CDH18: variants seen among roughly 807,000 people sequenced by gnomAD.
CDH18 encodes cadherin-18.
CDH18 carries 31 observed loss-of-function variants against 67.9 expected under a neutral mutation model. That is an observed-to-expected ratio of 0.46 (90% CI 0.34 to 0.62). CDH18 has a LOEUF of 0.62. CDH18 is among the 20% of genes least tolerant of loss of function. The probability of loss-of-function intolerance (pLI) is 0.01; values close to 1 mark genes in which losing one functional copy is unlikely to be tolerated. For missense variants in CDH18, 890 were observed against 975.5 expected (o/e 0.91, Z 1.17); for synonymous variants, 362 against 347.2 (o/e 1.04, Z -0.48).
At chr5:19,610,861 C>T (rs1044702034) in intron 6 of CDH18, among the ~76,000 whole-genome samples, 3 of 152,004 alleles carry the variant, frequency 2.0e-5, no homozygotes, top group African/African-American at 7.2e-5. Context: ...TTTTATGGCT[C>T]AATAAAATAT....
intron 2 of CDH18, among the ~76,000 whole-genome samples, chr5:20,003,237 T>TC (rs1736591519): frequency 6.6e-6 from 1 of 152,298 alleles, no homozygotes; most frequent in African/African-American, 2.4e-5. Flanking sequence ...CACAAAGTTA[T>TC]TCAAATCTGC....
intron 2 of CDH18, among the ~76,000 whole-genome samples, chr5:19,931,288 G>T (rs1323466401): frequency 1.3e-5 from 2 of 151,862 alleles, no homozygotes; most frequent in Non-Finnish European, 2.9e-5. Flanking sequence ...TCAAAATAGT[G>T]TCAACTTAGT....
intron 2 of CDH18, among the ~76,000 whole-genome samples, chr5:20,124,106 C>A (rs1580297142): frequency 6.6e-6 from 1 of 151,928 alleles, no homozygotes; most frequent in Non-Finnish European, 1.5e-5. Context: ...TGGATAGAAA[C>A]CTCCAGAGAA....
rs557797933 is a variant in CDH18 at position 20,315,484 on chromosome 5, T to C, written c.-579-59979A>G. ...TTGATATCATGGAGTCCTGAAACTC[T>C]ATGCTAAATCCTATAGTGTAAAAGC... On this transcript the variant is annotated intron_variant, in intron 1 of 14. Coordinates refer to the CDH18 transcript ENST00000507958. 3.9e-5 allele frequency among the ~76,000 whole-genome samples: 6 copies of C among 152,236 alleles called. No individual in the cohort carries two copies. The South Asian group carries it at 1.2e-3, about 32-fold the overall frequency.
At chr5:19,990,594 A>G (rs1178482841), upstream of CDH18, among the ~76,000 whole-genome samples, 1 of 152,042 alleles carries the variant, frequency 6.6e-6, no homozygotes, top group Non-Finnish European at 1.5e-5. Context: ...ATGAAGCCAC[A>G]CTCTTGGAAT....
chr5:20,399,975 A>G (rs1745622234), intron 1 of CDH18, among the ~76,000 whole-genome samples: 4 of 152,182 alleles, frequency 2.6e-5, no homozygotes, highest in African/African-American at 4.8e-5. Context: ...TACTTTATAT[A>G]TCATCAGAAA....
At chr5:19,593,718 T>TTCC (rs1745665367) in intron 6 of CDH18, among the ~76,000 whole-genome samples, 1 of 109,144 alleles carries the variant, frequency 9.2e-6, no homozygotes, top group Non-Finnish European at 1.7e-5. Context: ...CTTCTTCTTC[T>TTCC]TCTTCTTCTT....
intron 2 of CDH18, among the ~76,000 whole-genome samples, chr5:20,244,025 G>C (rs928619566): frequency 1.3e-5 from 2 of 152,078 alleles, no homozygotes; most frequent in African/African-American, 4.8e-5. Context: ...AGTTAAAAAT[G>C]TATGAAGACT....
intron 2 of CDH18, among the ~76,000 whole-genome samples, chr5:19,889,768 C>G (rs146140243): frequency 2.0e-5 from 3 of 152,108 alleles, no homozygotes; most frequent in Middle Eastern, 6.8e-3. Flanking sequence ...CATATGGTCA[C>G]AGCCAAAAAA....
Position 19,724,924 on chromosome 5 carries a change from A to G in CDH18, c.524-3458T>C, listed in dbSNP as rs554860464. 1.1e-4 allele frequency among the ~76,000 whole-genome samples: 14 copies of G among 132,020 alleles called. No homozygotes were observed. The South Asian group carries it at 3.9e-3, about 37-fold the overall frequency. 86.6% of individuals were successfully genotyped at this position (132,020 alleles called of 152,430 possible). ...AATTATTTATTAACATAGCATATTA[A>G]GGCCTTTTTTTTTTTTTTTTGAGAC... is the stretch of plus-strand genomic sequence containing the variant. On this transcript the variant is annotated intron_variant, in intron 4 of 12. Transcript: ENST00000382275.
chr5:19,871,707 T>C (rs1259623339), intron 2 of CDH18, among the ~76,000 whole-genome samples: 2 of 152,106 alleles, frequency 1.3e-5, no homozygotes, highest in African/African-American at 4.8e-5. Flanking sequence ...CTCTGAGGCA[T>C]GAATGTCTTC....
intron 1 of CDH18, among the ~76,000 whole-genome samples, chr5:20,472,714 T>G (rs1272400660): frequency 2.0e-5 from 3 of 152,216 alleles, no homozygotes; most frequent in Non-Finnish European, 2.9e-5. Flanking sequence ...TATGTTTGAT[T>G]CAATGACGAT....
At chr5:19,907,067 T>C (rs776301949) in intron 2 of CDH18, among the ~76,000 whole-genome samples, 2 of 152,002 alleles carry the variant, frequency 1.3e-5, no homozygotes, top group Non-Finnish European at 2.9e-5. Flanking sequence ...TTGCTGAAAA[T>C]TGTCAGTTAA....
intron 6 of CDH18, among the ~76,000 whole-genome samples, chr5:19,598,651 A>G (rs1348587508): frequency 6.6e-6 from 1 of 152,168 alleles, no homozygotes; most frequent in African/African-American, 2.4e-5. Context: ...TAAAATATCA[A>G]TTTGATAACA....
chr5:19,516,043 G>C (rs184513202), intron 10 of CDH18, among the ~76,000 whole-genome samples: 1 of 151,998 alleles, frequency 6.6e-6, no homozygotes, highest in African/African-American at 2.4e-5. Context: ...AGTTTATTGA[G>C]AGTTTTTTAG....
intron 8 of CDH18, among the ~76,000 whole-genome samples, chr5:19,546,071 G>A (rs1009049955): frequency 6.6e-6 from 1 of 152,172 alleles, no homozygotes; most frequent in Non-Finnish European, 1.5e-5. Context: ...TACCAGGAAG[G>A]AAGGAGCTAA....
intron 6 of CDH18, among the ~76,000 whole-genome samples, chr5:19,606,847 T>C (rs553253528): frequency 1.3e-5 from 2 of 151,888 alleles, no homozygotes; most frequent in African/African-American, 2.4e-5. Flanking sequence ...ATTAGTCAGA[T>C]TTTTAAAAAG....
intron 5 of CDH18, among the ~76,000 whole-genome samples, chr5:19,675,831 A>G (rs964484685): frequency 4.6e-5 from 7 of 152,066 alleles, no homozygotes; most frequent in African/African-American, 1.7e-4. Context: ...ATTTATGTTC[A>G]GAGATTGAAG....
intron 9 of CDH18, among the ~76,000 whole-genome samples, chr5:19,531,100 C>T (rs1748544319): frequency 6.6e-6 from 1 of 152,112 alleles, no homozygotes; most frequent in South Asian, 2.1e-4. Flanking sequence ...CTTGGCTCCA[C>T]CTCCAATAAA....
Sources: gnomAD v4.1 joint callset for allele counts (sites outside exome capture counted in the v4.1 genomes callset) on GRCh38, gnomAD v4.1.1 for gene constraint, MANE v1.5 for transcripts, NCBI Gene and HGNC (gene_info 2026-07-23, HGNC 2026-07-21) for gene names.